PCDH15: variants seen among roughly 807,000 people sequenced by gnomAD.
PCDH15 encodes the protein protocadherin related 15.
PCDH15 carries 129 observed loss-of-function variants against 178.5 expected under a neutral mutation model. That is an observed-to-expected ratio of 0.72 (90% CI 0.63 to 0.84). PCDH15 has a LOEUF of 0.84. PCDH15 is among the 40% of genes least tolerant of loss of function. The pLI, the probability that PCDH15 is intolerant of heterozygous loss-of-function variation, is 0.00. For synonymous variants in PCDH15, 800 were observed against 732.0 expected, an observed-to-expected ratio of 1.09 and a Z score of -1.50; for missense variants, 2,230 against 2,099.9, an observed-to-expected ratio of 1.06 and a Z score of -1.21.
chr10:54,033,275 G>A (rs1257590119), intron 18 of PCDH15, among the ~76,000 whole-genome samples: 1 of 151,748 alleles, frequency 6.6e-6, no homozygotes, highest in Non-Finnish European at 1.5e-5. Context: ...GTCAAAAGAG[G>A]ATTTTAAGAT....
At chr10:54,790,143 T>C (rs2093816908) in intron 1 of PCDH15, among the ~76,000 whole-genome samples, 1 of 151,778 alleles carries the variant, frequency 6.6e-6, no homozygotes, top group African/African-American at 2.4e-5. Flanking sequence ...TCTGAAGAAA[T>C]TGTCAGAGAG....
chr10:54,134,023 G>A (rs1478893896), intron 14 of PCDH15, among the ~76,000 whole-genome samples: 1 of 134,322 alleles, frequency 7.4e-6, no homozygotes, highest in Non-Finnish European at 1.6e-5. Context: ...TTTCTATTTG[G>A]GGATGAGAAT....
At chr10:55,592,761 C>T (rs1358382176) in intron 2 of PCDH15, among the ~76,000 whole-genome samples, 1 of 152,026 alleles carries the variant, frequency 6.6e-6, no homozygotes, top group Non-Finnish European at 1.5e-5. Flanking sequence ...CAAAAATACA[C>T]TTAAAACTAC....
At position 54,689,818 on chromosome 10, in the gene PCDH15, G is replaced by A. The variant is rs773717957; in HGVS notation, c.-28-25528C>T. On this transcript the variant is annotated intron_variant, in intron 1 of 37. Coordinates refer to ENST00000644397, the MANE Select transcript of PCDH15 (RefSeq NM_001384140.1). ...AGTGTGCTCTATAAGACAAGTAGAT[G>A]CCAACTCCTACTGGTCTTGGAGAAA... is the stretch of plus-strand genomic sequence containing the variant. 5.3e-5 allele frequency among the ~76,000 whole-genome samples: 8 copies of A among 152,136 alleles called. No individual in the cohort carries two copies. The South Asian group carries it at 6.2e-4, about 12-fold the overall frequency.
chr10:54,062,182 C>G (rs1221865836), intron 18 of PCDH15, among the ~76,000 whole-genome samples: 1 of 133,620 alleles, frequency 7.5e-6, no homozygotes, highest in East Asian at 2.6e-4. Context: ...GAGGTCACTC[C>G]ATTGCACTCC....
chr10:54,456,099 G>A (rs1180761401), intron 3 of PCDH15, among the ~76,000 whole-genome samples: 1 of 152,164 alleles, frequency 6.6e-6, no homozygotes, highest in East Asian at 1.9e-4. Context: ...GAAAGGAAAT[G>A]TGGGGTTGGA....
At chr10:54,371,870 A>G (rs908107575) in intron 4 of PCDH15, among the ~76,000 whole-genome samples, 2 of 152,038 alleles carry the variant, frequency 1.3e-5, no homozygotes, top group African/African-American at 4.8e-5. Context: ...TGTATAAAAT[A>G]AAGAAAAATC....
At chr10:54,194,306 G>A (rs1261279352) in intron 11 of PCDH15, among the ~76,000 whole-genome samples, 4 of 152,086 alleles carry the variant, frequency 2.6e-5, no homozygotes, top group Non-Finnish European at 2.9e-5. Context: ...GCTGCCTTAT[G>A]AGTGACATGT....
intron 2 of PCDH15, among the ~76,000 whole-genome samples, chr10:54,561,798 T>C (rs115675802): frequency 1.0e-3 from 157 of 151,924 alleles, no homozygotes; most frequent in African/African-American, 3.6e-3. Flanking sequence ...AAAAAAACCT[T>C]AATTCTGATT....
At chr10:54,330,672 G>A (rs1939323059) in intron 6 of PCDH15, among the ~76,000 whole-genome samples, 3 of 151,882 alleles carry the variant, frequency 2.0e-5, no homozygotes, top group Non-Finnish European at 2.9e-5. Flanking sequence ...TAACATGGAA[G>A]TCATAAGGGC....
At chr10:55,046,987 T>C (rs1210070358) in intron 2 of PCDH15, among the ~76,000 whole-genome samples, 1 of 151,916 alleles carries the variant, frequency 6.6e-6, no homozygotes, top group African/African-American at 2.4e-5. Flanking sequence ...GTTGTTCTTG[T>C]TAGTAAAAAC....
At chr10:54,026,028 T>C (rs1024815320) in intron 18 of PCDH15, among the ~76,000 whole-genome samples, 2 of 152,088 alleles carry the variant, frequency 1.3e-5, no homozygotes, top group African/African-American at 2.4e-5. Flanking sequence ...AGTGTGTGTA[T>C]ACTGCCATAT....
intron 13 of PCDH15, among the ~76,000 whole-genome samples, chr10:54,170,104 A>T (rs373736612): frequency 8.4e-6 from 1 of 118,972 alleles, no homozygotes; most frequent in Non-Finnish European, 1.8e-5. Context: ...CAAATTACCT[A>T]GGCTGTACTG....
intron 2 of PCDH15, among the ~76,000 whole-genome samples, chr10:55,577,382 T>C (rs1842517289): frequency 6.6e-6 from 1 of 152,200 alleles, no homozygotes. Flanking sequence ...ATTTATGCAG[T>C]TGTTATATAA....
At chr10:53,947,064 C>T (rs971190493) in intron 23 of PCDH15, among the ~76,000 whole-genome samples, 4 of 152,088 alleles carry the variant, frequency 2.6e-5, no homozygotes, top group Admixed American at 6.6e-5. Context: ...TGTGAACCAC[C>T]GCACCTGGCC....
At chr10:54,997,483 A>G (rs1162897509) in intron 2 of PCDH15, among the ~76,000 whole-genome samples, 1 of 152,188 alleles carries the variant, frequency 6.6e-6, no homozygotes, top group African/African-American at 2.4e-5. Context: ...GTCAGCATAC[A>G]TTTTCATCTG....
intron 25 of PCDH15, among the ~76,000 whole-genome samples, chr10:53,913,686 G>C (rs1466112962): frequency 6.6e-6 from 1 of 151,766 alleles, no homozygotes; most frequent in Non-Finnish European, 1.5e-5. Context: ...AGAGCTTGCA[G>C]TGAGCCAAGA....
Position 54,280,617 on chromosome 10 carries a change from T to A in PCDH15, c.876+36654A>T, listed in dbSNP as rs1359058096. On this transcript the variant is annotated intron_variant, in intron 8 of 37. Transcript: ENST00000644397. ...TCAGTGCCTATATATTACCTTCACA[T>A]ATGAGGCCTTTGTTCGTTTCATTCT... Among the ~76,000 whole-genome samples the A allele has an allele frequency of 2.6e-5, 4 of 151,992 alleles. No homozygotes were observed. The South Asian group carries it at 8.3e-4, about 32-fold the overall frequency.
rs74455769 is a variant in PCDH15 at position 54,458,886 on chromosome 10, C to T, written c.157+68926G>A. Among the ~76,000 whole-genome samples, 1,321 of 152,236 alleles carry T rather than the reference C, an allele frequency of 8.7e-3. 16 individuals are homozygous for T. Among genetic ancestry groups the T allele is most frequent in the African/African-American group, 0.029 (1,187 of 41,536 alleles). ...TCATAAGTTTCATTACTAGTGTGCT[C>T]ATACTAGTGTACAGCAGGTTCTTAA... On this transcript the variant is annotated intron_variant, in intron 3 of 37. Transcript: ENST00000644397.
Sources: gnomAD v4.1 joint callset for allele counts (sites outside exome capture counted in the v4.1 genomes callset) on GRCh38, gnomAD v4.1.1 for gene constraint, MANE v1.5 for transcripts, NCBI Gene and HGNC (gene_info 2026-07-23, HGNC 2026-07-21) for gene names.